SNTG1: variants seen among roughly 807,000 people sequenced by gnomAD.
SNTG1 encodes gamma-1-syntrophin.
Under a neutral mutation model 74.7 loss-of-function variants are expected in SNTG1, and 39 were observed. The ratio of observed to expected loss-of-function variants is 0.52; its 90% CI spans 0.40 to 0.68. The LOEUF (loss-of-function observed/expected upper bound fraction) is 0.68. Among genes scored for constraint, SNTG1 ranks in the 30% least tolerant of loss-of-function variants. The probability of loss-of-function intolerance (pLI) is 0.00; values close to 1 mark genes in which losing one functional copy is unlikely to be tolerated. For missense variants in SNTG1, 685 were observed against 609.5 expected (o/e 1.12, Z -1.30); for synonymous variants, 254 against 217.1 (o/e 1.17, Z -1.49).
At chr8:50,408,205 TC>T (rs1311193934) in intron 4 of SNTG1, among the ~76,000 whole-genome samples, 3 of 152,150 alleles carry the variant, frequency 2.0e-5, no homozygotes, top group Non-Finnish European at 4.4e-5. Context: ...GCAGTTTCAG[TC>T]CCCAGTATGG....
rs145697156 is a variant in SNTG1 at position 50,708,969 on chromosome 8, T to C, written c.1275T>C (p.Ala425=). Residue 425 remains alanine (A), a synonymous_variant, in exon 17 of 19, where the codon GCT becomes GCC. Transcript: ENST00000642720. ...GCACAGGATTTATCTGCTTTGATGC[T>C]GCAACAAAGGTAATGTGTTCAGGTC... ...DFSTGFICFD[A]ATKAVLWRYK... The C allele has an allele frequency of 8.7e-5, 141 of 1,612,312 alleles. 1 individual carries two copies. Among genetic ancestry groups the C allele is most frequent in the Non-Finnish European group, 1.2e-4 (139 of 1,178,576 alleles).
chr8:50,726,616 G>C (rs904075946), intron 17 of SNTG1, among the ~76,000 whole-genome samples: 1 of 152,206 alleles, frequency 6.6e-6, no homozygotes, highest in Non-Finnish European at 1.5e-5. Context: ...TTGGGAGGCC[G>C]AGGCAGGTGG....
chr8:50,647,302 C>A (rs921833504), intron 13 of SNTG1, among the ~76,000 whole-genome samples: 1 of 151,914 alleles, frequency 6.6e-6, no homozygotes, highest in Admixed American at 6.6e-5. Context: ...AAAATATATG[C>A]AAAAGGCATC....
intron 13 of SNTG1, among the ~76,000 whole-genome samples, chr8:50,599,781 A>G (rs973640620): frequency 1.8e-4 from 27 of 151,966 alleles, no homozygotes; most frequent in African/African-American, 7.2e-5. Context: ...TTCTTTTCCA[A>G]TTTCGATGCT....
chr8:50,774,754 T>C (rs544448122), intron 18 of SNTG1, among the ~76,000 whole-genome samples: 50 of 151,846 alleles, frequency 3.3e-4, no homozygotes, highest in South Asian at 1.2e-3. Context: ...ATTATATCAC[T>C]GTGTCTTTGG....
At chr8:50,395,388 G>T (rs1293068707) in intron 3 of SNTG1, among the ~76,000 whole-genome samples, 1 of 151,650 alleles carries the variant, frequency 6.6e-6, no homozygotes, top group Non-Finnish European at 1.5e-5. Flanking sequence ...AATACTATAA[G>T]GTCAGAGTGT....
chr8:50,000,544 A>G (rs1215038035), intron 1 of SNTG1, among the ~76,000 whole-genome samples: 1 of 152,174 alleles, frequency 6.6e-6, no homozygotes, highest in Non-Finnish European at 1.5e-5. Context: ...TTTTGTGAAA[A>G]GAATTAAACT....
intron 2 of SNTG1, among the ~76,000 whole-genome samples, chr8:50,237,832 G>T (rs914275429): frequency 6.6e-6 from 1 of 151,710 alleles, no homozygotes; most frequent in Non-Finnish European, 1.5e-5. Context: ...AGATTTTAAG[G>T]GTTATACATT....
At chr8:50,052,568 A>G (rs1188504661) in intron 1 of SNTG1, among the ~76,000 whole-genome samples, 1 of 152,132 alleles carries the variant, frequency 6.6e-6, no homozygotes, top group Non-Finnish European at 1.5e-5. Flanking sequence ...TTAAAAGTAG[A>G]TAAGTTGGAT....
At chr8:50,462,796 C>CTTTTTTTTTTTTTTTTTTTT (rs869119447) in intron 8 of SNTG1, among the ~76,000 whole-genome samples, 5 of 57,474 alleles carry the variant, frequency 8.7e-5, no homozygotes, top group African/African-American at 1.8e-4. Flanking sequence ...AGGTTCTACT[C>CTTTTTTTTTTTTTTTTTTTT]TTTTTTTTTT....
intron 4 of SNTG1, among the ~76,000 whole-genome samples, chr8:50,415,267 A>T (rs1232797820): frequency 1.3e-5 from 2 of 152,162 alleles, no homozygotes; most frequent in Non-Finnish European, 2.9e-5. Flanking sequence ...AGTCTTATGA[A>T]GTTTATATTG....
chr8:50,515,714 C>G lies in SNTG1; in HGVS notation c.466+12834C>G, dbSNP rs145123097. 7.9e-5 allele frequency among the ~76,000 whole-genome samples: 12 copies of G among 152,294 alleles called. No individual in the cohort carries two copies. The East Asian group carries it at 2.1e-3, about 27-fold the overall frequency. ...ACTTCTAACAGGGTAGAGTGCACCA[C>G]AACTCTGCAAAGCCACTGTAGCCAG... On this transcript the variant is annotated intron_variant, in intron 9 of 18. Coordinates refer to ENST00000642720, the MANE Select transcript of SNTG1 (RefSeq NM_018967.5).
intron 1 of SNTG1, among the ~76,000 whole-genome samples, chr8:50,168,555 A>G (rs1306670677): frequency 6.6e-6 from 1 of 152,142 alleles, no homozygotes. Context: ...GTATACATGT[A>G]TATGCATGTG....
chr8:50,237,096 GA>G (rs1160827577), intron 2 of SNTG1, among the ~76,000 whole-genome samples: 2 of 152,180 alleles, frequency 1.3e-5, no homozygotes, highest in East Asian at 3.9e-4. Context: ...TATAAATTAA[GA>G]ATCACACATT....
intron 18 of SNTG1, among the ~76,000 whole-genome samples, chr8:50,756,644 A>G (rs2095581284): frequency 6.6e-6 from 1 of 151,702 alleles, no homozygotes; most frequent in African/African-American, 2.4e-5. Context: ...TTTCTTTCCT[A>G]ACATCATGCT....
chr8:49,931,043 T>G (rs1269004880), intron 1 of SNTG1, among the ~76,000 whole-genome samples: 1 of 152,126 alleles, frequency 6.6e-6, no homozygotes, highest in African/African-American at 2.4e-5. Context: ...ATTAAAAGAC[T>G]TTGCAATTCC....
chr8:50,710,432 ATAAGT>A (rs2095458404), intron 17 of SNTG1, among the ~76,000 whole-genome samples: 1 of 152,188 alleles, frequency 6.6e-6, no homozygotes, highest in Non-Finnish European at 1.5e-5. Flanking sequence ...TAAATGAGTA[ATAAGT>A]TAATTTTATA....
At chr8:50,155,841 A>G (rs549575475) in intron 1 of SNTG1, among the ~76,000 whole-genome samples, 73 of 152,162 alleles carry the variant, frequency 4.8e-4, no homozygotes, top group African/African-American at 1.6e-3. Flanking sequence ...TAGAAATAAT[A>G]AAGACAAAAG....
intron 18 of SNTG1, among the ~76,000 whole-genome samples, chr8:50,755,060 C>G (rs1222233361): frequency 2.0e-5 from 3 of 151,816 alleles, no homozygotes; most frequent in African/African-American, 7.2e-5. Context: ...TCAACATCCC[C>G]CACCAGAGGG....
Sources: allele counts gnomAD v4.1 joint callset (sites outside exome capture counted in the v4.1 genomes callset), GRCh38; gene constraint gnomAD v4.1.1; transcripts MANE v1.5; gene names NCBI Gene and HGNC (gene_info 2026-07-23, HGNC 2026-07-21).